Variants in CYP2C18 observed in about 807,000 individuals in gnomAD.
CYP2C18 encodes the protein cytochrome P450 family 2 subfamily C member 18.
A neutral mutation model predicts 41.3 loss-of-function variants in CYP2C18; 38 were observed. That is an observed-to-expected ratio of 0.92 (90% CI 0.71 to 1.21). CYP2C18 has a LOEUF of 1.21. CYP2C18 is among the 50% of genes most tolerant of loss of function. The probability of loss-of-function intolerance (pLI) is 0.00; values close to 1 mark genes in which losing one functional copy is unlikely to be tolerated. For synonymous variants in CYP2C18, 236 were observed against 210.0 expected (o/e 1.12, Z -1.07); for missense variants, 635 against 591.4 (o/e 1.07, Z -0.77).
Position 94,706,861 on chromosome 10 carries a change from T to TA in CYP2C18, c.724dup (p.Ser242LysfsTer24). 6.2e-7 allele frequency: 1 copy of TA among 1,611,198 alleles called. No individual in the cohort carries two copies. The highest frequency in any genetic ancestry group is 8.5e-7 in the Non-Finnish European group (1 of 1,177,790). ...AAATAGCTGAAAATTTTGCTTACAT[T>TA]AAAAGTTATGTATTGGAGAGAATAA... On this transcript the variant is annotated frameshift_variant, in exon 5 of 9. Transcript: ENST00000285979. LOFTEE classifies it high-confidence loss of function.
chr10:94,730,012 G>T (rs898560231), intron 7 of CYP2C18, among the ~76,000 whole-genome samples: 2 of 152,110 alleles, frequency 1.3e-5, no homozygotes, highest in Non-Finnish European at 1.5e-5. Flanking sequence ...AGAAGTTTTT[G>T]CTCCTGTAAC....
chr10:94,719,472 T>C (rs1023216701), intron 5 of CYP2C18, among the ~76,000 whole-genome samples: 7 of 151,954 alleles, frequency 4.6e-5, no homozygotes, highest in Non-Finnish European at 8.8e-5. Context: ...GGCATGAACA[T>C]GCTTCACTGC....
intron 5 of CYP2C18, among the ~76,000 whole-genome samples, chr10:94,716,159 A>T (rs1437553844): frequency 6.6e-6 from 1 of 151,942 alleles, no homozygotes; most frequent in Non-Finnish European, 1.5e-5. Flanking sequence ...GATTTTTTGA[A>T]GGGTTTTTGT....
In CYP2C18 at chr10:94,735,038, C is replaced by A. The variant is rs570405390; in HGVS notation, c.1292-225C>A. Reference sequence around the variant, plus strand: ...TGAAGTGCATGGCATAGAGCTGATACTCCATAAATATTTGTTGAGTGAAGG... The same window carrying A: ...TGAAGTGCATGGCATAGAGCTGATAATCCATAAATATTTGTTGAGTGAAGG... On this transcript the variant is annotated intron_variant, in intron 8 of 8. Coordinates refer to ENST00000285979, the MANE Select transcript of CYP2C18 (RefSeq NM_000772.3). Among the ~76,000 whole-genome samples, 23 of 152,244 alleles carry A rather than the reference C, an allele frequency of 1.5e-4. 1 individual carries two copies. In the South Asian group the frequency reaches 4.6e-3, roughly 30 times the overall value.
chr10:94,702,200 T>C (rs760959612), intron 4 of CYP2C18, among the ~76,000 whole-genome samples: 1 of 152,102 alleles, frequency 6.6e-6, no homozygotes, highest in East Asian at 1.9e-4. Flanking sequence ...GTGCATATGA[T>C]GATTGTGTGT....
chr10:94,685,748 C>T (rs191928086), intron 1 of CYP2C18, among the ~76,000 whole-genome samples: 221 of 152,224 alleles, frequency 1.5e-3, no homozygotes, highest in African/African-American at 5.2e-3. Context: ...TTCCTTTAAT[C>T]AGTGTGTCTA....
Position 94,720,426 on chromosome 10 carries a change from G to A in CYP2C18, c.850G>A (p.Val284Ile). The part of the protein sequence containing the change: ...EKHNQQSEFT[V>I]ESLIATVTDM... ...GCACAATCAACAGTCTGAATTTACTGTTGAAAGCTTGATAGCCACTGTAAC... is the reference window on the plus strand; with the variant it reads ...GCACAATCAACAGTCTGAATTTACTATTGAAAGCTTGATAGCCACTGTAAC... Residue 284 changes from valine to isoleucine, a missense_variant, in exon 6 of 9, where the codon GTT becomes ATT. By Grantham distance (29) the Val-to-Ile change is conservative. Coordinates refer to ENST00000285979, the MANE Select transcript of CYP2C18 (RefSeq NM_000772.3). 3 of 1,612,626 alleles carry A rather than the reference G, an allele frequency of 1.9e-6. No individual in the cohort carries two copies. The highest frequency in any genetic ancestry group is 2.5e-6 in the Non-Finnish European group (3 of 1,179,232).
rs183714925 is a variant in CYP2C18, at chr10:94,727,153, G to A, written c.1149+2620G>A. 1.5e-3 allele frequency among the ~76,000 whole-genome samples: 234 copies of A among 152,226 alleles called. 1 individual carries two copies. Among genetic ancestry groups the A allele is most frequent in the Non-Finnish European group, 2.1e-3 (144 of 68,022 alleles). On this transcript the variant is annotated intron_variant, in intron 7 of 8. Transcript: ENST00000285979. ...CACATATCTGATTGTTTAATTTTCT[G>A]TAATACAGGGTTAGAAATATCTCAT...
At chr10:94,731,563 A>G (rs1271991256) in intron 7 of CYP2C18, among the ~76,000 whole-genome samples, 1 of 152,184 alleles carries the variant, frequency 6.6e-6, no homozygotes, top group Admixed American at 6.5e-5. Context: ...CCAGACTTCA[A>G]ACTATGCTAT....
chr10:94,694,150 C>A (rs1327569209), intron 3 of CYP2C18, among the ~76,000 whole-genome samples: 2 of 151,976 alleles, frequency 1.3e-5, no homozygotes, highest in Non-Finnish European at 2.9e-5. Context: ...GAAGATAGTG[C>A]CTGGTGATAA....
At chr10:94,707,479 G>A (rs917692410) in intron 5 of CYP2C18, among the ~76,000 whole-genome samples, 6 of 152,100 alleles carry the variant, frequency 3.9e-5, no homozygotes, top group South Asian at 4.1e-4. Flanking sequence ...AAGTAAATCC[G>A]GACAAATATG....
intron 4 of CYP2C18, among the ~76,000 whole-genome samples, chr10:94,696,694 G>T (rs1564639510): frequency 6.6e-6 from 1 of 152,054 alleles, no homozygotes; most frequent in Non-Finnish European, 1.5e-5. Flanking sequence ...GCTAAAGCAG[G>T]AAGTTCAAAC....
At chr10:94,705,382 C>T (rs1036478786) in intron 4 of CYP2C18, among the ~76,000 whole-genome samples, 4 of 152,038 alleles carry the variant, frequency 2.6e-5, no homozygotes, top group African/African-American at 9.7e-5. Flanking sequence ...GGAGGGAGAG[C>T]ATTAGGAAAA....
At chr10:94,703,722 C>G (rs760478310) in intron 4 of CYP2C18, among the ~76,000 whole-genome samples, 1 of 152,140 alleles carries the variant, frequency 6.6e-6, no homozygotes, top group African/African-American at 2.4e-5. Flanking sequence ...CTGGCTTCAG[C>G]CCCCTTTCCA....
intron 4 of CYP2C18, among the ~76,000 whole-genome samples, chr10:94,698,201 C>G (rs922870970): frequency 6.6e-6 from 1 of 152,216 alleles, no homozygotes; most frequent in African/African-American, 2.4e-5. Flanking sequence ...CCACACCACA[C>G]TTATTCCAAA....
At chr10:94,719,314 C>T (rs569681392) in intron 5 of CYP2C18, among the ~76,000 whole-genome samples, 12 of 152,222 alleles carry the variant, frequency 7.9e-5, no homozygotes, top group African/African-American at 2.9e-4. Context: ...TCATGTTGGG[C>T]AGTGCAGAAC....
chr10:94,720,374 A>G, intron 5 of CYP2C18, 22 bp from the exon 6 acceptor site: 1 of 1,567,402 alleles, frequency 6.4e-7, no homozygotes, highest in Non-Finnish European at 8.6e-7. Context: ...CCAAATAATT[A>G]AATTATGAAA....
intron 3 of CYP2C18, among the ~76,000 whole-genome samples, chr10:94,690,331 T>C (rs1025255130): frequency 6.6e-6 from 1 of 152,198 alleles, no homozygotes; most frequent in African/African-American, 2.4e-5. Context: ...CTCCCTGATA[T>C]AGTTTGGATG....
chr10:94,733,706 G>A lies in CYP2C18; in HGVS notation c.1291+268G>A, dbSNP rs556893424. ...ATTCTGCCTCTAGATACATCACTGA[G>A]CTACCCAAGAGCTCTTCTTAATGGG... On this transcript the variant is annotated intron_variant, in intron 8 of 8. Transcript: ENST00000285979. 1.1e-5 allele frequency: 6 copies of A among 551,680 alleles called. No homozygotes were observed. In the South Asian group the frequency reaches 4.2e-4, roughly 38 times the overall value. 34.2% of individuals were successfully genotyped at this position (551,680 alleles called of 1,614,324 possible).
Sources: allele counts gnomAD v4.1 joint callset (sites outside exome capture counted in the v4.1 genomes callset), GRCh38; gene constraint gnomAD v4.1.1; transcripts MANE v1.5; gene names NCBI Gene and HGNC (gene_info 2026-07-23, HGNC 2026-07-21).